PCYT1B: variants seen among roughly 807,000 people sequenced by gnomAD.
PCYT1B encodes choline-phosphate cytidylyltransferase B.
A neutral mutation model predicts 26.4 loss-of-function variants in PCYT1B; 10 were observed. The ratio of observed to expected loss-of-function variants is 0.38; its 90% CI spans 0.23 to 0.64. The LOEUF is 0.64. Ranked by LOEUF, PCYT1B falls within the 30% of genes least tolerant of loss-of-function variation. The probability of loss-of-function intolerance (pLI) is 0.56; values close to 1 mark genes in which losing one functional copy is unlikely to be tolerated. For synonymous variants in PCYT1B, 131 were observed against 108.4 expected (o/e 1.21, Z -1.29); for missense variants, 161 against 292.7 (o/e 0.55, Z 3.28).
chrX:24,568,933 C>G (rs1437949339), intron 7 of PCYT1B, among the ~76,000 whole-genome samples: 1 of 110,439 alleles, frequency 9.1e-6, no homozygotes, highest in African/African-American at 3.3e-5. Context: ...AATCCCATCT[C>G]TACTAAAAAT....
intron 1 of PCYT1B, among the ~76,000 whole-genome samples, chrX:24,666,270 A>G (rs1052185220): frequency 9.0e-6 from 1 of 111,036 alleles, no homozygotes; most frequent in Non-Finnish European, 1.9e-5. Flanking sequence ...CATTCTACAG[A>G]CATTTACTAA....
chrX:24,656,680 C>T (rs755441801), intron 1 of PCYT1B, among the ~76,000 whole-genome samples: 3 of 105,888 alleles, frequency 2.8e-5, no homozygotes, highest in Non-Finnish European at 3.9e-5. Flanking sequence ...CTCAGCCTCC[C>T]GAGTAGCTGG....
chrX:24,567,207 T>A (rs1030198087), intron 7 of PCYT1B, among the ~76,000 whole-genome samples: 1 of 112,596 alleles, frequency 8.9e-6, no homozygotes, highest in Non-Finnish European at 1.9e-5. Flanking sequence ...AATCTACGAC[T>A]TGTCTACTAT....
chrX:24,640,304 C>T (rs1034773565), intron 1 of PCYT1B, among the ~76,000 whole-genome samples: 2 of 112,282 alleles, frequency 1.8e-5, no homozygotes, highest in African/African-American at 6.5e-5. Flanking sequence ...CTCTCTACTG[C>T]ATTTGATTCT....
At chrX:24,649,773 C>T (rs1023014774), upstream of PCYT1B, among the ~76,000 whole-genome samples, 1 of 112,032 alleles carries the variant, frequency 8.9e-6, no homozygotes, top group African/African-American at 3.2e-5. Context: ...ACTGCCTTTG[C>T]CTAGGATATC....
chrX:24,596,591 C>CAA (rs1160915316), intron 3 of PCYT1B, among the ~76,000 whole-genome samples: 5 of 53,094 alleles, frequency 9.4e-5, no homozygotes, highest in Admixed American at 4.7e-4. Context: ...GACTCCATCT[C>CAA]AAAAAAAAAA....
rs1351468799 is a variant in PCYT1B at position 24,647,073 on chromosome X, T to C, written c.33A>G (p.Glu11=). Residue 11 remains glutamate (E), a synonymous_variant, in exon 1 of 8, where the codon GAA becomes GAG. Coordinates refer to ENST00000379144, the MANE Select transcript of PCYT1B (RefSeq NM_004845.5). The part of the protein sequence containing the change: MPVVTTDAES[E]TGIPKSLSNE... ...TGGAAAGGGATTTTGGGATACCTGT[T>C]TCTGACTCAGCATCAGTGGTAACTA... The C allele has an allele frequency of 8.3e-7, 1 of 1,208,631 alleles. No homozygotes were observed. Among genetic ancestry groups the C allele is most frequent in the Non-Finnish European group, 1.1e-6 (1 of 893,893 alleles).
upstream of PCYT1B, among the ~76,000 whole-genome samples, chrX:24,648,284 T>A (rs1051320791): frequency 1.8e-5 from 2 of 110,524 alleles, no homozygotes; most frequent in Non-Finnish European, 3.8e-5. Flanking sequence ...TAAAAAATCA[T>A]GATGATCCCT....
chrX:24,668,674 A>T (rs1164708902), intron 1 of PCYT1B, among the ~76,000 whole-genome samples: 1 of 108,588 alleles, frequency 9.2e-6, no homozygotes, highest in African/African-American at 3.3e-5. Flanking sequence ...ATTCTACTTT[A>T]ATATCCAAAG....
chrX:24,619,041 T>C lies in PCYT1B; in HGVS notation c.161A>G (p.Gln54Arg). ...PAPFADETNCQCQAPHEKLTI... is the reference protein window; with the variant it reads ...PAPFADETNCRCQAPHEKLTI... ...CAGTTTTTCATGGGGTGCTTGACAC[T>C]GGCAGTTGGTTTCATCAGCAAATGG... Residue 54 changes from glutamine (Q) to arginine (R), a missense_variant, in exon 2 of 8, where the codon CAG becomes CGG. Physicochemically the swap from Gln to Arg is conservative, Grantham distance 43. Transcript: ENST00000379144. 1 of 1,192,392 alleles carries C rather than the reference T, an allele frequency of 8.4e-7. No individual in the cohort carries two copies. The highest frequency in any genetic ancestry group is 3.0e-5 in the East Asian group (1 of 33,560).
At chrX:24,629,325 G>A (rs1925974262) in intron 1 of PCYT1B, among the ~76,000 whole-genome samples, 1 of 109,403 alleles carries the variant, frequency 9.1e-6, no homozygotes, top group African/African-American at 3.3e-5. Context: ...CAGCTCGTTG[G>A]GAGGCAGAGG....
intron 1 of PCYT1B, among the ~76,000 whole-genome samples, chrX:24,640,152 G>A (rs1401755286): frequency 9.0e-6 from 1 of 111,655 alleles, no homozygotes; most frequent in Non-Finnish European, 1.9e-5. Flanking sequence ...TCCTCTCTCA[G>A]TCAAGCTTCC....
intron 2 of PCYT1B, among the ~76,000 whole-genome samples, chrX:24,610,857 A>G (rs1236058299): frequency 9.0e-6 from 1 of 111,717 alleles, no homozygotes; most frequent in Admixed American, 9.6e-5. Flanking sequence ...AGAGAGAGAA[A>G]GAAAAAGAGA....
intron 1 of PCYT1B, among the ~76,000 whole-genome samples, chrX:24,658,780 T>C (rs144093141): frequency 8.9e-5 from 10 of 112,069 alleles, no homozygotes; most frequent in African/African-American, 3.2e-4. Context: ...TAAGGTAACA[T>C]ATTCACAGGT....
intron 7 of PCYT1B, among the ~76,000 whole-genome samples, chrX:24,565,050 A>G (rs755860701): frequency 1.8e-5 from 2 of 110,057 alleles, no homozygotes; most frequent in East Asian, 5.8e-4. Flanking sequence ...TTGGGACCTC[A>G]TGTGATGGTT....
chrX:24,588,532 A>C (rs1393706387), intron 4 of PCYT1B, among the ~76,000 whole-genome samples: 1 of 111,674 alleles, frequency 9.0e-6, no homozygotes, highest in Non-Finnish European at 1.9e-5. Context: ...CAGTAGTTAA[A>C]TACTTGAGAG....
intron 1 of PCYT1B, among the ~76,000 whole-genome samples, chrX:24,646,133 G>A (rs759203400): frequency 9.0e-6 from 1 of 111,476 alleles, no homozygotes; most frequent in African/African-American, 3.3e-5. Flanking sequence ...ACAAGACTTC[G>A]GACCACAGAA....
chrX:24,651,509 ATATATTC>A (rs1926780651), upstream of PCYT1B, among the ~76,000 whole-genome samples: 1 of 76,256 alleles, frequency 1.3e-5, no homozygotes, highest in African/African-American at 4.6e-5. Context: ...ATATATATAT[ATATATTC>A]AAAAATGAGC....
At chrX:24,663,060 G>A (rs1412773683) in intron 1 of PCYT1B, among the ~76,000 whole-genome samples, 1 of 111,885 alleles carries the variant, frequency 8.9e-6, no homozygotes, top group Non-Finnish European at 1.9e-5. Context: ...TGGGTCATGA[G>A]TTGATTACTG....
Sources: allele counts gnomAD v4.1 joint callset (sites outside exome capture counted in the v4.1 genomes callset), GRCh38; gene constraint gnomAD v4.1.1; transcripts MANE v1.5; gene names NCBI Gene and HGNC (gene_info 2026-07-23, HGNC 2026-07-21).